The following SLC25A46 variants were observed in gnomAD, a reference collection of about 807,000 sequenced individuals.
SLC25A46 encodes the protein solute carrier family 25 member 46.
Under a neutral mutation model 44.6 loss-of-function variants are expected in SLC25A46, and 39 were observed. The observed-to-expected ratio is 0.87, with a 90% CI of 0.68 to 1.14. The LOEUF is 1.14. Ranked by LOEUF, SLC25A46 falls within the 50% of genes most tolerant of loss-of-function variation. The pLI, the probability that SLC25A46 is intolerant of heterozygous loss-of-function variation, is 0.00. For synonymous variants in SLC25A46, 202 were observed against 185.8 expected (o/e 1.09, Z -0.71); for missense variants, 547 against 522.7 (o/e 1.05, Z -0.45).
chr5:110,757,953 A>G lies in SLC25A46; in HGVS notation c.678+1194A>G, dbSNP rs1238247558. ...ATAATTTTCTTATCCATAAATTGTGAATAGTATTTTAATAACTGACGTGTA... is the reference window on the plus strand; with the variant it reads ...ATAATTTTCTTATCCATAAATTGTGGATAGTATTTTAATAACTGACGTGTA... On this transcript the variant is annotated intron_variant, in intron 7 of 7. Transcript: ENST00000355943. 2.0e-5 allele frequency among the ~76,000 whole-genome samples: 3 copies of G among 152,172 alleles called. No homozygotes were observed. In the East Asian group the frequency reaches 5.8e-4, roughly 29 times the overall value.
In SLC25A46 at chr5:110,747,706, G is replaced by A. The variant is rs145197936; in HGVS notation, c.463-457G>A. Among the ~76,000 whole-genome samples the A allele has an allele frequency of 9.5e-4, 145 of 152,090 alleles. No homozygotes were observed. The East Asian group carries it at 0.025, about 26-fold the overall frequency. On this transcript the variant is annotated intron_variant, in intron 4 of 7. Coordinates refer to ENST00000355943, the MANE Select transcript of SLC25A46 (RefSeq NM_138773.4). The stretch of plus-strand genomic sequence containing the variant: ...AGGGAGTAGAATTTGTAGAACCTGG[G>A]GACTGATTAGATAGGAAGAGTGAGA...
intron 7 of SLC25A46, among the ~76,000 whole-genome samples, chr5:110,758,797 GAA>G (rs1338796410): frequency 6.6e-6 from 1 of 151,778 alleles, no homozygotes; most frequent in African/African-American, 2.4e-5. Flanking sequence ...AAATAAAAAA[GAA>G]AGAAAGAAAG....
chr5:110,758,001 A>C (rs2150416861), intron 7 of SLC25A46, among the ~76,000 whole-genome samples: 1 of 152,290 alleles, frequency 6.6e-6, no homozygotes, highest in East Asian at 1.9e-4. Context: ...TTATTTATAT[A>C]AGTGCCCGGC....
Position 110,742,109 on chromosome 5 carries a change from C to A in SLC25A46, c.326+20C>A. ...TGCAAGGTAATGTTTTATCTAAAGA[C>A]GTTTACAGCTTTTATTTATTGAATT... is the stretch of plus-strand genomic sequence containing the variant. On this transcript the variant is annotated intron_variant, in intron 2 of 7. Transcript: ENST00000355943. 1 of 1,496,792 alleles carries A rather than the reference C, an allele frequency of 6.7e-7. No homozygotes were observed. The highest frequency in any genetic ancestry group is 1.3e-5 in the South Asian group (1 of 75,922). The allele number at this position is 1,496,792 out of a possible 1,614,324, so 92.7% of individuals were successfully genotyped here.
chr5:110,747,651 T>C (rs927466513), intron 4 of SLC25A46, among the ~76,000 whole-genome samples: 1 of 152,156 alleles, frequency 6.6e-6, no homozygotes, highest in African/African-American at 2.4e-5. Context: ...GTGTTAAGTA[T>C]GGAGAAGAGC....
intron 3 of SLC25A46, among the ~76,000 whole-genome samples, chr5:110,744,258 A>G (rs928303941): frequency 3.3e-5 from 5 of 152,166 alleles, no homozygotes; most frequent in Admixed American, 2.0e-4. Flanking sequence ...AGAGGAGTAT[A>G]TTATATTCTT....
intron 2 of SLC25A46, among the ~76,000 whole-genome samples, chr5:110,742,482 A>G (rs570704181): frequency 6.6e-6 from 1 of 152,258 alleles, no homozygotes; most frequent in South Asian, 2.1e-4. Flanking sequence ...ATTTTCTGAA[A>G]GAAAAATTAC....
chr5:110,750,806 A>G (rs1561604326), intron 5 of SLC25A46, among the ~76,000 whole-genome samples: 1 of 152,084 alleles, frequency 6.6e-6, no homozygotes, highest in Non-Finnish European at 1.5e-5. Flanking sequence ...CCAGAACACT[A>G]TTGGTTCAGG....
intron 4 of SLC25A46, 97 bp from the exon 5 acceptor site, chr5:110,748,066 T>A (rs927539148): frequency 5.5e-5 from 41 of 739,340 alleles, no homozygotes; most frequent in African/African-American, 5.5e-4. Flanking sequence ...AATAATGTTT[T>A]ATTGGAAAAT....
At chr5:110,740,841 A>C (rs1799664330) in intron 1 of SLC25A46, among the ~76,000 whole-genome samples, 1 of 152,104 alleles carries the variant, frequency 6.6e-6, no homozygotes, top group Non-Finnish European at 1.5e-5. Context: ...AGTCCCAGCT[A>C]CTCGGGAGGC....
chr5:110,756,527 C>A (rs774876353), intron 6 of SLC25A46, among the ~76,000 whole-genome samples, 175 bp from the exon 7 acceptor site: 7 of 152,048 alleles, frequency 4.6e-5, no homozygotes, highest in Non-Finnish European at 1.5e-5. Context: ...AAGCATCCTA[C>A]GTTACAGATT....
chr5:110,741,575 C>G (rs1355521656), intron 1 of SLC25A46: 1 of 152,476 alleles, frequency 6.6e-6, no homozygotes, highest in Admixed American at 6.5e-5. Flanking sequence ...CAGCTGCGGC[C>G]AACCATGGAA....
rs1218560848 is a variant in SLC25A46 at position 110,763,351 on chromosome 5, TA to T, written c.*1574del. ...ACAAAAAAGTGATATCCAAAAAGTG[TA>T]AAAACAGTAATAAGTAGCAAATCTC... On this transcript the variant is annotated 3_prime_UTR_variant, in exon 8 of 8. Transcript: ENST00000355943. The T allele has an allele frequency of 6.6e-6, 1 of 151,806 alleles. No homozygotes were observed. Among genetic ancestry groups the T allele is most frequent in the African/African-American group, 2.4e-5 (1 of 41,330 alleles). The allele number at this position is 151,806 out of a possible 1,614,324, so 9.4% of individuals were successfully genotyped here.
intron 4 of SLC25A46, among the ~76,000 whole-genome samples, chr5:110,746,611 A>C (rs1013269115): frequency 1.3e-5 from 2 of 152,202 alleles, no homozygotes; most frequent in African/African-American, 4.8e-5. Flanking sequence ...ATGGAGACAA[A>C]ATCTTTGAAG....
chr5:110,752,494 G>A (rs1799990492), intron 5 of SLC25A46, among the ~76,000 whole-genome samples: 1 of 152,052 alleles, frequency 6.6e-6, no homozygotes, highest in Non-Finnish European at 1.5e-5. Context: ...AAACCCATTT[G>A]GTTCAACTCC....
At chr5:110,748,126 G>A in intron 4 of SLC25A46, 37 bp from the exon 5 acceptor site, 3 of 1,393,846 alleles carry the variant, frequency 2.2e-6, no homozygotes, top group Non-Finnish European at 3.1e-6. Flanking sequence ...TCAGATGTAG[G>A]TATTAACAGA....
intron 5 of SLC25A46, among the ~76,000 whole-genome samples, chr5:110,751,940 C>A (rs897626173): frequency 6.6e-6 from 1 of 152,098 alleles, no homozygotes; most frequent in Admixed American, 6.6e-5. Flanking sequence ...CTTCTTTGGG[C>A]AGATTTGACC....
In SLC25A46 at chr5:110,761,204, A is replaced by T. The variant is rs762529292; in HGVS notation, c.679A>T (p.Ser227Cys). The T allele has an allele frequency of 6.3e-7, 1 of 1,582,698 alleles. No individual in the cohort carries two copies. The highest frequency in any genetic ancestry group is 2.2e-5 in the East Asian group (1 of 44,670). ...YSASLIETVQ[S>C]EIIRDNTGIL... ...ACTTATTTCATCATTTTTATTTCAG[A>T]GTGAGATAATTCGAGATAATACTGG... Residue 227 changes from serine (S) to cysteine (C), a missense_variant and splice_region_variant, in exon 8 of 8, where the codon AGT becomes TGT. Ser to Cys is a moderately radical substitution (Grantham distance 112, BLOSUM62 -1). Coordinates refer to ENST00000355943, the MANE Select transcript of SLC25A46 (RefSeq NM_138773.4). This position sits in a 1 kb window ranked among gnomAD's most constrained non-coding sequence, Gnocchi z 5.3.
chr5:110,745,252 C>CT (rs377434598), intron 3 of SLC25A46, among the ~76,000 whole-genome samples: 11,923 of 147,442 alleles, frequency 0.081, 474 homozygotes, highest in Middle Eastern at 0.099. Context: ...TTATAACCCA[C>CT]TTTTTTTTTT....
Sources: allele counts gnomAD v4.1 joint callset (sites outside exome capture counted in the v4.1 genomes callset), GRCh38; gene constraint gnomAD v4.1.1; non-coding constraint Gnocchi (gnomAD v3.1); transcripts MANE v1.5; gene names NCBI Gene and HGNC (gene_info 2026-07-23, HGNC 2026-07-21).